RNF150: variants seen among roughly 807,000 people sequenced by gnomAD.
RNF150 encodes ring finger protein 150.
Under a neutral mutation model 39.3 loss-of-function variants are expected in RNF150, and 24 were observed. The ratio of observed to expected loss-of-function variants is 0.61; its 90% confidence interval spans 0.44 to 0.86. RNF150 has a LOEUF of 0.86. Among genes scored for constraint, RNF150 ranks in the 40% least tolerant of loss-of-function variants. The pLI is 0.00. For missense variants in RNF150, 502 were observed against 587.8 expected, an observed-to-expected ratio of 0.85 and a Z score of 1.51; for synonymous variants, 255 against 227.3, an observed-to-expected ratio of 1.12 and a Z score of -1.10.
At chr4:141,113,385 C>T (rs1739453720) in intron 1 of RNF150, among the ~76,000 whole-genome samples, 1 of 142,750 alleles carries the variant, frequency 7.0e-6, no homozygotes, top group African/African-American at 2.6e-5. Flanking sequence ...TTCAATAAAA[C>T]AGACCTTAAA....
Position 141,186,498 on chromosome 4 carries a change from G to A in RNF150, c.-6+26296C>T, listed in dbSNP as rs555613102. Among the ~76,000 whole-genome samples, 110 of 151,800 alleles carry A rather than the reference G, an allele frequency of 7.2e-4. 1 individual carries two copies. The highest frequency in any genetic ancestry group is 8.2e-4 in the Non-Finnish European group (56 of 67,950). ...ACTGCAAGCTCCGCCTCCCGGGTTCGTGCCATTCTCCTGCCTCAGCCTCCC... is the reference window on the plus strand; with the variant it reads ...ACTGCAAGCTCCGCCTCCCGGGTTCATGCCATTCTCCTGCCTCAGCCTCCC... On this transcript the variant is annotated intron_variant, in intron 1 of 7. Coordinates refer to the RNF150 transcript ENST00000420921.
chr4:141,046,324 G>T (rs78489050), intron 1 of RNF150, among the ~76,000 whole-genome samples: 1 of 152,084 alleles, frequency 6.6e-6, no homozygotes, highest in African/African-American at 2.4e-5. Flanking sequence ...TAAATAGACC[G>T]CATTCTTTTC....
At chr4:141,139,818 G>T (rs561993637) in intron 1 of RNF150, among the ~76,000 whole-genome samples, 1 of 152,302 alleles carries the variant, frequency 6.6e-6, no homozygotes, top group African/African-American at 2.4e-5. Context: ...TAAGAGTGGG[G>T]GTTGTAATCC....
At chr4:141,042,888 T>G (rs764996959) in intron 1 of RNF150, among the ~76,000 whole-genome samples, 1 of 152,094 alleles carries the variant, frequency 6.6e-6, no homozygotes, top group Non-Finnish European at 1.5e-5. Flanking sequence ...TCTTGAACCT[T>G]GTCTTCGGCA....
intron 1 of RNF150, among the ~76,000 whole-genome samples, chr4:141,005,733 T>C (rs1414127257): frequency 1.3e-5 from 2 of 152,212 alleles, no homozygotes; most frequent in Non-Finnish European, 2.9e-5. Context: ...GTATATCATG[T>C]ACTATGACAG....
intron 1 of RNF150, among the ~76,000 whole-genome samples, chr4:140,994,616 A>T (rs1322611524): frequency 6.6e-6 from 1 of 152,160 alleles, no homozygotes; most frequent in East Asian, 1.9e-4. Context: ...TCAAGACCAA[A>T]AGTAAGATCT....
At chr4:140,992,513 G>A (rs764004446) in intron 1 of RNF150, among the ~76,000 whole-genome samples, 14 of 152,168 alleles carry the variant, frequency 9.2e-5, no homozygotes, top group Non-Finnish European at 2.1e-4. Context: ...TGGCCACACA[G>A]TCAGCTGGGC....
At chr4:140,981,541 T>C (rs544216033) in intron 1 of RNF150, among the ~76,000 whole-genome samples, 76 of 152,250 alleles carry the variant, frequency 5.0e-4, no homozygotes, top group African/African-American at 1.8e-3. Flanking sequence ...CAATAATTTT[T>C]TAATACTTAT....
chr4:141,154,497 G>A (rs1727350722), intron 1 of RNF150, among the ~76,000 whole-genome samples: 2 of 152,156 alleles, frequency 1.3e-5, no homozygotes, highest in Non-Finnish European at 2.9e-5. Flanking sequence ...AATGCTGGGG[G>A]GCTGGGGAAG....
intron 5 of RNF150, among the ~76,000 whole-genome samples, chr4:140,911,569 A>C (rs1315600779): frequency 6.6e-6 from 1 of 152,228 alleles, no homozygotes; most frequent in African/African-American, 2.4e-5. Context: ...TTTTAGATTG[A>C]AAAGATTCCT....
intron 1 of RNF150, among the ~76,000 whole-genome samples, chr4:141,008,438 A>C (rs1560685381): frequency 6.6e-6 from 1 of 152,162 alleles, no homozygotes; most frequent in Non-Finnish European, 1.5e-5. Context: ...CCAATTTATT[A>C]ATCTTTTCAT....
intron 1 of RNF150, among the ~76,000 whole-genome samples, chr4:141,151,762 C>T (rs937969548): frequency 6.6e-6 from 1 of 152,016 alleles, no homozygotes; most frequent in African/African-American, 2.4e-5. Context: ...GGAAGTGTTC[C>T]TAATCTTTGT....
chr4:140,881,528 T>C (rs1408995320), intron 6 of RNF150, among the ~76,000 whole-genome samples: 2 of 152,158 alleles, frequency 1.3e-5, no homozygotes, highest in Non-Finnish European at 2.9e-5. Flanking sequence ...TTCATTTGTC[T>C]CAAGACGTTT....
At chr4:141,120,541 G>A (rs1726573182) in intron 1 of RNF150, among the ~76,000 whole-genome samples, 2 of 152,194 alleles carry the variant, frequency 1.3e-5, no homozygotes. Context: ...GGTTAAATAT[G>A]AGAGAAATAG....
At chr4:141,072,386 G>T (rs192746132) in intron 1 of RNF150, among the ~76,000 whole-genome samples, 1 of 152,172 alleles carries the variant, frequency 6.6e-6, no homozygotes, top group Non-Finnish European at 1.5e-5. Flanking sequence ...TAGTAGAGAC[G>T]TACAGAGTAC....
chr4:141,168,352 G>A (rs1727637605), intron 1 of RNF150, among the ~76,000 whole-genome samples: 1 of 152,198 alleles, frequency 6.6e-6, no homozygotes, highest in Non-Finnish European at 1.5e-5. Context: ...TGGTGGGATT[G>A]TAAATTAGTC....
intron 6 of RNF150, among the ~76,000 whole-genome samples, chr4:140,869,189 A>G (rs911541354): frequency 4.6e-5 from 7 of 152,358 alleles, no homozygotes; most frequent in Admixed American, 1.3e-4. Context: ...ATTACTTCTA[A>G]AGGACAATGT....
chr4:141,069,541 C>T (rs1277425829), intron 1 of RNF150, among the ~76,000 whole-genome samples: 5 of 147,228 alleles, frequency 3.4e-5, no homozygotes, highest in African/African-American at 5.1e-5. Flanking sequence ...TGTGTCTCTG[C>T]CCGGCTTTGC....
intron 1 of RNF150, among the ~76,000 whole-genome samples, chr4:141,098,847 C>T (rs1382823467): frequency 6.6e-6 from 1 of 152,140 alleles, no homozygotes; most frequent in East Asian, 1.9e-4. Flanking sequence ...ATAGAGACAT[C>T]AGGAAGTTTT....
Sources: gnomAD v4.1 joint callset for allele counts (sites outside exome capture counted in the v4.1 genomes callset) on GRCh38, gnomAD v4.1.1 for gene constraint, MANE v1.5 for transcripts, NCBI Gene and HGNC (gene_info 2026-07-23, HGNC 2026-07-21) for gene names.